RECQL5: variants seen among roughly 807,000 people sequenced by gnomAD.
RECQL5 encodes the protein ATP-dependent DNA helicase Q5.
RECQL5 carries 88 observed loss-of-function variants against 103.4 expected under a neutral mutation model. That is an observed-to-expected ratio of 0.85 (90% CI 0.72 to 1.02). The LOEUF is 1.02. Among genes scored for constraint, RECQL5 ranks in the 50% least tolerant of loss-of-function variants. The pLI, the probability that RECQL5 is intolerant of heterozygous loss-of-function variation, is 0.00. For missense variants in RECQL5, 1,232 were observed against 1,284.3 expected, an observed-to-expected ratio of 0.96 and a Z score of 0.62; for synonymous variants, 552 against 507.9, an observed-to-expected ratio of 1.09 and a Z score of -1.17.
chr17:75,658,461 C>G lies in RECQL5; in HGVS notation c.987-1G>C. 1 of 1,613,222 alleles carries G rather than the reference C, an allele frequency of 6.2e-7. No homozygotes were observed. Among genetic ancestry groups the G allele is most frequent in the Non-Finnish European group, 8.5e-7 (1 of 1,179,464 alleles). The stretch of plus-strand genomic sequence containing the variant: ...GGCAATATTCCAATGGGCGACAAAC[C>G]TGTAGGATCCAAAGGGACAAGCAGC... On this transcript the variant is annotated splice_acceptor_variant, in intron 6 of 19. Transcript: ENST00000317905. LOFTEE classifies it high-confidence loss of function.
At chr17:75,647,713 T>G in intron 8 of RECQL5, 1 of 752,524 alleles carries the variant, frequency 1.3e-6, no homozygotes, top group Non-Finnish European at 2.2e-6. Context: ...AGTAAAATAC[T>G]GTATCTGGCT....
At chr17:75,635,791 G>A (rs977542067) in intron 8 of RECQL5, 16 of 985,448 alleles carry the variant, frequency 1.6e-5, no homozygotes, top group Non-Finnish European at 1.8e-5. Context: ...GGGGCCCCGC[G>A]CTGCCAACAC....
rs1383466826 is a variant in RECQL5 at position 75,662,921 on chromosome 17, T to C, written c.329A>G (p.Lys110Arg). Residue 110 changes from lysine to arginine, a missense_variant, in exon 4 of 20, where the codon AAG becomes AGG. Transcript: ENST00000317905. Reference protein sequence around the residue: ...LNSKLSAQERKELLADLEREK... With the variant: ...LNSKLSAQERRELLADLEREK... ...TCGCTCCAGGTCAGCAAGCAGCTCCTTCCTTTCCTGTGCAGAGAGCTTCGA... is the reference window on the plus strand; with the variant it reads ...TCGCTCCAGGTCAGCAAGCAGCTCCCTCCTTTCCTGTGCAGAGAGCTTCGA... 4 of 1,614,112 alleles carry C rather than the reference T, an allele frequency of 2.5e-6. No homozygotes were observed. The highest frequency in any genetic ancestry group is 2.2e-5 in the East Asian group (1 of 44,878).
chr17:75,658,221 C>G (rs1457697713), intron 7 of RECQL5, 77 bp downstream of exon 7: 6 of 1,498,492 alleles, frequency 4.0e-6, no homozygotes, highest in Middle Eastern at 1.8e-4. Context: ...CAAGCATCAT[C>G]AGAGTTCAGA....
At position 75,662,814 on chromosome 17, in the gene RECQL5, C is replaced by G; in HGVS notation, c.436G>C (p.Val146Leu). ...SSFQPTLNSL[V>L]SRHLLSYLVV... is the part of the protein sequence containing the mutation. The stretch of plus-strand genomic sequence containing the variant: ...AAGTAAGACAGCAGGTGGCGGGACA[C>G]CAGGGAGTTCAGGGTGGGCTGGAAG... Residue 146 changes from valine to leucine, a missense_variant, in exon 4 of 20, where the codon GTG (valine) becomes CTG (leucine). Coordinates refer to ENST00000317905, the MANE Select transcript of RECQL5 (RefSeq NM_004259.7). 6.2e-7 allele frequency: 1 copy of G among 1,614,076 alleles called. No homozygotes were observed. The highest frequency in any genetic ancestry group is 1.1e-5 in the South Asian group (1 of 91,080).
chr17:75,658,364 G>A lies in RECQL5; in HGVS notation c.1083C>T (p.Leu361=), dbSNP rs2059654926. 2.5e-6 allele frequency: 4 copies of A among 1,613,906 alleles called. No homozygotes were observed. The South Asian group carries it at 3.3e-5, about 13-fold the overall frequency. ...GGTCCCGGTCATTCCTGGAGTAATA[G>A]AGACGGCACCAGGAAGGCTTCCCAT... ...GRDGKPSWCR[L]YYSRNDRDQV... The change falls in exon 7 of 20, where the codon CTC becomes CTT. Residue 361 remains leucine, a synonymous_variant. Transcript: ENST00000317905.
chr17:75,644,935 T>C (rs756247431), intron 8 of RECQL5, among the ~76,000 whole-genome samples: 114 of 152,378 alleles, frequency 7.5e-4, no homozygotes, highest in Middle Eastern at 3.4e-3. Flanking sequence ...ATCTATTACT[T>C]TTTTACATAT....
At chr17:75,659,272 G>A (rs975485127) in intron 6 of RECQL5, among the ~76,000 whole-genome samples, 5 of 152,134 alleles carry the variant, frequency 3.3e-5, no homozygotes, top group African/African-American at 1.2e-4. Context: ...ATGTTAGCCA[G>A]GATGGTCTCA....
chr17:75,654,379 C>G (rs2059591456), intron 7 of RECQL5, among the ~76,000 whole-genome samples: 1 of 152,196 alleles, frequency 6.6e-6, no homozygotes, highest in Non-Finnish European at 1.5e-5. Context: ...CCAGTTTTCC[C>G]TAGGCCTGGG....
At position 75,631,683 on chromosome 17, in the gene RECQL5, A is replaced by T. The variant is rs747656527; in HGVS notation, c.1230-15T>A. On this transcript the variant is annotated splice_polypyrimidine_tract_variant and intron_variant, in intron 8 of 19. Coordinates refer to ENST00000317905, the MANE Select transcript of RECQL5 (RefSeq NM_004259.7). ...CATGGCGGCACCTGGAGCAGGCAGC[A>T]CCGCAGAGGTGAGGGGCGGAGAGCC... The T allele has an allele frequency of 6.2e-7, 1 of 1,607,348 alleles. No individual in the cohort carries two copies. The highest frequency in any genetic ancestry group is 8.5e-7 in the Non-Finnish European group (1 of 1,177,452).
intron 8 of RECQL5, chr17:75,649,950 T>C: frequency 1.0e-6 from 1 of 985,544 alleles, no homozygotes; most frequent in Non-Finnish European, 1.2e-6. Context: ...GGAGGACCTG[T>C]TCCCTTGCCT....
intron 7 of RECQL5, among the ~76,000 whole-genome samples, chr17:75,653,783 A>T (rs1182635687): frequency 6.6e-6 from 1 of 152,100 alleles, no homozygotes; most frequent in Non-Finnish European, 1.5e-5. Context: ...CTGTAATCCC[A>T]GTTACTTGGG....
Position 75,661,034 on chromosome 17 carries a change from T to C in RECQL5, c.907A>G (p.Asn303Asp), listed in dbSNP as rs776673162. ...LKASERTLVQ[N>D]DWMEEKVPVI... ...GGGACCTTCTCCTCCATCCAGTCGT[T>C]CTGCACCAGCGTTCTTTCAGAGGCC... Residue 303 changes from asparagine (N) to aspartate (D), a missense_variant, in exon 6 of 20, where the codon AAC becomes GAC. Physicochemically the swap from Asn to Asp is conservative, Grantham distance 23 (BLOSUM62 1). Coordinates refer to ENST00000317905, the MANE Select transcript of RECQL5 (RefSeq NM_004259.7). 1.2e-6 allele frequency: 2 copies of C among 1,614,240 alleles called. No homozygotes were observed. The highest frequency in any genetic ancestry group is 8.5e-7 in the Non-Finnish European group (1 of 1,180,028).
chr17:75,629,970 C>T, intron 14 of RECQL5, 128 bp from the exon 15 acceptor site: 2 of 1,326,244 alleles, frequency 1.5e-6, no homozygotes, highest in Non-Finnish European at 2.0e-6. Flanking sequence ...CAACTGACCA[C>T]TGGGCAAGTT....
rs979202384 is a variant in RECQL5, at chr17:75,630,181, C to T, written c.1812+3G>A. On this transcript the variant is annotated splice_donor_region_variant and intron_variant, in intron 14 of 19. Coordinates refer to ENST00000317905, the MANE Select transcript of RECQL5 (RefSeq NM_004259.7). The stretch of plus-strand genomic sequence containing the variant: ...ACCCTGGGTCCGCCTGCACCAGGCC[C>T]ACCTTCTTCAGCACGCTGGCCTTGT... 3.2e-6 allele frequency: 5 copies of T among 1,545,236 alleles called. No homozygotes were observed. The highest frequency in any genetic ancestry group is 4.4e-6 in the Non-Finnish European group (5 of 1,143,902).
chr17:75,640,962 G>A lies in RECQL5; in HGVS notation c.1230-9294C>T. ...GCCAATGCCATGACACAGGCCATCAGCCTGGCCCTGCAGCCCTTACCCCTC... is the reference window on the plus strand; with the variant it reads ...GCCAATGCCATGACACAGGCCATCAACCTGGCCCTGCAGCCCTTACCCCTC... On this transcript the variant is annotated intron_variant, in intron 8 of 19. Transcript: ENST00000317905. This position sits in a 1 kb window ranked among gnomAD's most constrained non-coding sequence, Gnocchi z 4.6. 1.3e-6 allele frequency: 2 copies of A among 1,523,670 alleles called. No homozygotes were observed. Among genetic ancestry groups the A allele is most frequent in the South Asian group, 2.4e-5 (2 of 83,162 alleles). The allele number at this position is 1,523,670 out of a possible 1,614,324, so 94.4% of individuals were successfully genotyped here.
rs1338764715 is a variant in RECQL5, at chr17:75,666,573, T to C, written c.-14-2A>G. The stretch of plus-strand genomic sequence containing the variant: ...GGCTGCTCATCTTAGCCAAGAACAG[T>C]GGCCAAAGGTTAAGGCAAAGGTAGT... On this transcript the variant is annotated splice_acceptor_variant, in intron 1 of 19. Transcript: ENST00000317905. LOFTEE classifies it low-confidence loss of function (5UTR_SPLICE). 2.5e-6 allele frequency: 4 copies of C among 1,613,366 alleles called. No individual in the cohort carries two copies. The highest frequency in any genetic ancestry group is 3.4e-6 in the Non-Finnish European group (4 of 1,179,806).
At chr17:75,661,194 G>C in intron 5 of RECQL5, 128 bp from the exon 6 acceptor site, 1 of 728,396 alleles carries the variant, frequency 1.4e-6, no homozygotes, top group Admixed American at 2.2e-5. Flanking sequence ...CCAGCTGTCT[G>C]ACCTTAACAT....
At chr17:75,660,493 C>T (rs1325128195) in intron 6 of RECQL5, among the ~76,000 whole-genome samples, 3 of 152,182 alleles carry the variant, frequency 2.0e-5, no homozygotes, top group Non-Finnish European at 4.4e-5. Flanking sequence ...AAACATGTAT[C>T]GAGTGTTAAC....
Sources: allele counts gnomAD v4.1 joint callset (sites outside exome capture counted in the v4.1 genomes callset), GRCh38; gene constraint gnomAD v4.1.1; non-coding constraint Gnocchi (gnomAD v3.1); transcripts MANE v1.5; gene names NCBI Gene and HGNC (gene_info 2026-07-23, HGNC 2026-07-21).